CSNK1G1: variants seen among roughly 807,000 people sequenced by gnomAD.
The protein encoded by CSNK1G1 is casein kinase 1 gamma 1.
A neutral mutation model predicts 59.6 loss-of-function variants in CSNK1G1; 22 were observed. The ratio of observed to expected loss-of-function variants is 0.37; its 90% confidence interval spans 0.26 to 0.53. CSNK1G1 has a LOEUF of 0.53. Ranked by LOEUF, CSNK1G1 falls within the 20% of genes least tolerant of loss-of-function variation. The pLI is 0.89. For missense variants in CSNK1G1, 384 were observed against 519.5 expected (o/e 0.74, Z 2.54); for synonymous variants, 179 against 177.1 (o/e 1.01, Z -0.08).
At chr15:64,233,166 T>C (rs898061162) in intron 4 of CSNK1G1, among the ~76,000 whole-genome samples, 5 of 152,224 alleles carry the variant, frequency 3.3e-5, no homozygotes, top group African/African-American at 1.2e-4. Context: ...CAAGCAGTTC[T>C]GCACTTTGCA....
intron 10 of CSNK1G1, among the ~76,000 whole-genome samples, chr15:64,198,645 A>T (rs2082066883): frequency 6.6e-6 from 1 of 152,086 alleles, no homozygotes; most frequent in African/African-American, 2.4e-5. Flanking sequence ...TGCTAATTTC[A>T]AAACTTGAAA....
At chr15:64,272,408 G>A (rs1893366930) in intron 2 of CSNK1G1, among the ~76,000 whole-genome samples, 2 of 151,956 alleles carry the variant, frequency 1.3e-5, no homozygotes, top group South Asian at 2.1e-4. Context: ...TAGTAGAGAC[G>A]GGGTTTCACC....
chr15:64,223,363 C>G (rs2082415564), intron 4 of CSNK1G1, among the ~76,000 whole-genome samples: 1 of 152,164 alleles, frequency 6.6e-6, no homozygotes. Flanking sequence ...AAGGGCAGAT[C>G]CTTAAGTGCA....
At chr15:64,290,951 T>C (rs546330303) in intron 2 of CSNK1G1, among the ~76,000 whole-genome samples, 55 of 152,204 alleles carry the variant, frequency 3.6e-4, no homozygotes, top group Non-Finnish European at 6.3e-4. Context: ...TGACCTCAGA[T>C]GATCTGTCTG....
At chr15:64,181,482 G>A (rs1265880334) in intron 10 of CSNK1G1, 29 of 1,441,770 alleles carry the variant, frequency 2.0e-5, no homozygotes, top group Non-Finnish European at 2.6e-5. Flanking sequence ...GATATCATAT[G>A]CCCTTGGATA....
At chr15:64,280,994 CT>C (rs1383420673) in intron 2 of CSNK1G1, among the ~76,000 whole-genome samples, 1 of 152,106 alleles carries the variant, frequency 6.6e-6, no homozygotes, top group African/African-American at 2.4e-5. Context: ...ATTATCCTGC[CT>C]CAGCCTCCCA....
chr15:64,347,576 C>A (rs1219731007), intron 1 of CSNK1G1, among the ~76,000 whole-genome samples: 1 of 98,584 alleles, frequency 1.0e-5, no homozygotes, highest in Non-Finnish European at 2.2e-5. Flanking sequence ...CATAGCAACA[C>A]TCCGTCTTAA....
At chr15:64,221,581 G>C (rs2082388994) in intron 4 of CSNK1G1, among the ~76,000 whole-genome samples, 2 of 151,770 alleles carry the variant, frequency 1.3e-5, no homozygotes, top group Middle Eastern at 3.4e-3. Flanking sequence ...CTAGGAGAGG[G>C]TCAAGGTCCG....
At chr15:64,212,809 C>T (rs1567376215) in intron 6 of CSNK1G1, among the ~76,000 whole-genome samples, 1 of 152,108 alleles carries the variant, frequency 6.6e-6, no homozygotes, top group Non-Finnish European at 1.5e-5. Context: ...AGTTCAAGAC[C>T]AGCCTGGCCA....
Position 64,199,808 on chromosome 15 carries a change from G to A in CSNK1G1, c.1107+3274C>T, listed in dbSNP as rs187621767. Among the ~76,000 whole-genome samples, 852 of 151,542 alleles carry A rather than the reference G, an allele frequency of 5.6e-3. 7 individuals are homozygous for A. Among genetic ancestry groups the A allele is most frequent in the African/African-American group, 0.019 (796 of 41,308 alleles). Reference sequence around the variant, plus strand: ...GTGGAGGTTGCAGTGACGCGAGATCGCGCCACTGCACACCACCCTGGGCGA... The same window carrying A: ...GTGGAGGTTGCAGTGACGCGAGATCACGCCACTGCACACCACCCTGGGCGA... On this transcript the variant is annotated intron_variant, in intron 10 of 11. Transcript: ENST00000303052.
intron 4 of CSNK1G1, among the ~76,000 whole-genome samples, chr15:64,248,157 C>T (rs982293879): frequency 4.6e-5 from 7 of 152,154 alleles, no homozygotes; most frequent in Non-Finnish European, 1.0e-4. Context: ...GCACTGGCTG[C>T]TCAAACATTA....
intron 2 of CSNK1G1, among the ~76,000 whole-genome samples, chr15:64,288,580 GTGTT>G (rs1894556417): frequency 6.6e-6 from 1 of 151,764 alleles, no homozygotes; most frequent in Admixed American, 6.6e-5. Context: ...ATGTGTGTGT[GTGTT>G]TGTGTGCATG....
At chr15:64,306,742 T>C (rs1368364051) in intron 1 of CSNK1G1, among the ~76,000 whole-genome samples, 2 of 152,122 alleles carry the variant, frequency 1.3e-5, no homozygotes, top group African/African-American at 4.8e-5. Context: ...TTTCCTTCAA[T>C]AGGTGAATGA....
intron 1 of CSNK1G1, among the ~76,000 whole-genome samples, chr15:64,314,850 G>A (rs916778574): frequency 6.6e-6 from 1 of 152,194 alleles, no homozygotes; most frequent in African/African-American, 2.4e-5. Flanking sequence ...GTGTGCGTGT[G>A]TGTGTACATT....
chr15:64,215,498 C>T (rs1404652407), intron 5 of CSNK1G1, among the ~76,000 whole-genome samples: 1 of 152,180 alleles, frequency 6.6e-6, no homozygotes, highest in Non-Finnish European at 1.5e-5. Flanking sequence ...AGGCGTGAGC[C>T]ACCATTCCCA....
At chr15:64,321,284 C>T (rs781664648) in intron 1 of CSNK1G1, among the ~76,000 whole-genome samples, 8 of 145,240 alleles carry the variant, frequency 5.5e-5, no homozygotes, top group Non-Finnish European at 1.0e-4. Context: ...GAGATAGGGA[C>T]TTGCTCTGTT....
intron 2 of CSNK1G1, among the ~76,000 whole-genome samples, chr15:64,277,069 G>C (rs997852815): frequency 3.3e-4 from 50 of 152,088 alleles, no homozygotes; most frequent in African/African-American, 1.2e-3. Flanking sequence ...ACTTGAACTT[G>C]ATCATTAGAC....
At chr15:64,245,472 A>G (rs1177555886) in intron 4 of CSNK1G1, among the ~76,000 whole-genome samples, 1 of 152,200 alleles carries the variant, frequency 6.6e-6, no homozygotes, top group African/African-American at 2.4e-5. Flanking sequence ...AGCCATTATC[A>G]AAATCAGTTT....
At position 64,216,949 on chromosome 15, in the gene CSNK1G1, C is replaced by G. The variant is rs146131580; in HGVS notation, c.293-236G>C. Among the ~76,000 whole-genome samples, 241 of 152,206 alleles carry G rather than the reference C, an allele frequency of 1.6e-3. 1 individual carries two copies. Among genetic ancestry groups the G allele is most frequent in the African/African-American group, 5.5e-3 (229 of 41,504 alleles). On this transcript the variant is annotated intron_variant, in intron 4 of 11. Coordinates refer to ENST00000303052, the MANE Select transcript of CSNK1G1 (RefSeq NM_022048.5). The surrounding 1 kb of genome is among the most constrained non-coding windows in gnomAD (Gnocchi z 4.6). ...GTTCAAATGAGTAGTTATTTAATACCACAGTGCCAAAAACATTTCCACTGC... is the reference window on the plus strand; with the variant it reads ...GTTCAAATGAGTAGTTATTTAATACGACAGTGCCAAAAACATTTCCACTGC...
Sources: gnomAD v4.1 joint callset for allele counts (sites outside exome capture counted in the v4.1 genomes callset) on GRCh38, gnomAD v4.1.1 for gene constraint, Gnocchi (gnomAD v3.1) non-coding constraint, MANE v1.5 for transcripts, NCBI Gene and HGNC (gene_info 2026-07-23, HGNC 2026-07-21) for gene names.